The following SOX5 variants were observed in gnomAD, a reference collection of about 807,000 sequenced individuals.
SOX5 encodes the protein SRY-box transcription factor 5.
In SOX5, 9 loss-of-function variants were observed where a neutral mutation model predicts 92.0. The ratio of observed to expected loss-of-function variants is 0.10; its 90% confidence interval spans 0.06 to 0.17. The LOEUF (loss-of-function observed/expected upper bound fraction) is 0.17. Among genes scored for constraint, SOX5 ranks in the 10% least tolerant of loss-of-function variants. SOX5 has a pLI of 1.00. For missense variants in SOX5, 642 were observed against 944.5 expected, an observed-to-expected ratio of 0.68 and a Z score of 4.20; for synonymous variants, 344 against 336.3, an observed-to-expected ratio of 1.02 and a Z score of -0.25.
At chr12:24,415,407 A>G (rs1406154165) in intron 1 of SOX5, among the ~76,000 whole-genome samples, 1 of 152,230 alleles carries the variant, frequency 6.6e-6, no homozygotes, top group African/African-American at 2.4e-5. Flanking sequence ...GAATAAAAGC[A>G]CATAATATTT....
intron 3 of SOX5, among the ~76,000 whole-genome samples, chr12:23,793,112 C>T (rs1326377710): frequency 6.6e-6 from 1 of 152,144 alleles, no homozygotes; most frequent in East Asian, 1.9e-4. Flanking sequence ...TCTGAAATTA[C>T]AGTAATCTTC....
At chr12:24,009,155 G>C (rs938331965) in intron 4 of SOX5, among the ~76,000 whole-genome samples, 1 of 152,172 alleles carries the variant, frequency 6.6e-6, no homozygotes. Flanking sequence ...GCCTTCAGAT[G>C]ATTTCAGCCC....
At chr12:23,841,906 G>A (rs764285504) in intron 3 of SOX5, among the ~76,000 whole-genome samples, 16 of 152,010 alleles carry the variant, frequency 1.1e-4, no homozygotes, top group Non-Finnish European at 2.4e-4. Flanking sequence ...ATTATACATT[G>A]TACATTTCTA....
chr12:24,360,002 A>G (rs1211024833), intron 2 of SOX5, among the ~76,000 whole-genome samples: 1 of 152,258 alleles, frequency 6.6e-6, no homozygotes, highest in East Asian at 1.9e-4. Flanking sequence ...AAAAGGAAGA[A>G]AAGAAAAAGG....
chr12:23,700,389 C>A (rs965770324), intron 6 of SOX5, among the ~76,000 whole-genome samples: 1 of 152,114 alleles, frequency 6.6e-6, no homozygotes, highest in Non-Finnish European at 1.5e-5. Context: ...CCATCTTAAA[C>A]TTCTCATTTT....
At chr12:23,714,771 A>G (rs949753483) in intron 6 of SOX5, among the ~76,000 whole-genome samples, 1 of 152,242 alleles carries the variant, frequency 6.6e-6, no homozygotes, top group Admixed American at 6.5e-5. Flanking sequence ...CTATAGATGA[A>G]AACAAATACT....
intron 4 of SOX5, among the ~76,000 whole-genome samples, chr12:24,141,474 G>A (rs1279420402): frequency 6.6e-6 from 1 of 152,184 alleles, no homozygotes; most frequent in Non-Finnish European, 1.5e-5. Context: ...ATTACTTGTA[G>A]TATGAAGAAA....
At position 23,723,204 on chromosome 12, in the gene SOX5, C is replaced by G. The variant is rs1296618741; in HGVS notation, c.810+11480G>C. Reference sequence around the variant, plus strand: ...GTTTATGTTTTCTTGCTCTCTCTCTCTCTTTCTCCCTCTCTCTCTCTCTCA... The same window carrying G: ...GTTTATGTTTTCTTGCTCTCTCTCTGTCTTTCTCCCTCTCTCTCTCTCTCA... On this transcript the variant is annotated intron_variant, in intron 6 of 14. Transcript: ENST00000451604. Among the ~76,000 whole-genome samples, 9 of 152,162 alleles carry G rather than the reference C, an allele frequency of 5.9e-5. No individual in the cohort carries two copies. In the South Asian group the frequency reaches 1.2e-3, roughly 21 times the overall value.
chr12:24,309,428 T>C (rs953599063), intron 2 of SOX5, among the ~76,000 whole-genome samples: 1 of 152,220 alleles, frequency 6.6e-6, no homozygotes, highest in African/African-American at 2.4e-5. Context: ...ATTGTTATTC[T>C]CCATTTCCCT....
At chr12:23,965,988 A>C (rs1196038766) in intron 4 of SOX5, among the ~76,000 whole-genome samples, 1 of 152,014 alleles carries the variant, frequency 6.6e-6, no homozygotes, top group Admixed American at 6.6e-5. Flanking sequence ...AATGATCTTC[A>C]ACCATAAAAG....
chr12:23,622,315 G>GA (rs58857226), intron 8 of SOX5, among the ~76,000 whole-genome samples: 65,968 of 148,978 alleles, frequency 0.44, 14,909 homozygotes, highest in East Asian at 0.59. Flanking sequence ...AATAAAAAGA[G>GA]AAAAAAAAAA....
intron 11 of SOX5, among the ~76,000 whole-genome samples, chr12:23,554,389 A>G (rs1011361580): frequency 6.6e-6 from 1 of 152,078 alleles, no homozygotes; most frequent in Non-Finnish European, 1.5e-5. Flanking sequence ...AGGGCTACAC[A>G]TGACCAATGC....
chr12:23,842,030 G>A (rs2096524934), intron 3 of SOX5, among the ~76,000 whole-genome samples: 1 of 152,084 alleles, frequency 6.6e-6, no homozygotes, highest in South Asian at 2.1e-4. Flanking sequence ...TACAGAACTA[G>A]TTTAACTGTG....
At chr12:23,988,244 T>C (rs1008421444) in intron 4 of SOX5, among the ~76,000 whole-genome samples, 1 of 152,158 alleles carries the variant, frequency 6.6e-6, no homozygotes, top group Non-Finnish European at 1.5e-5. Context: ...ATACTTAAGA[T>C]GCATATCAGA....
At chr12:24,099,444 A>G (rs141258503) in intron 4 of SOX5, among the ~76,000 whole-genome samples, 104 of 152,298 alleles carry the variant, frequency 6.8e-4, no homozygotes, top group African/African-American at 2.5e-3. Flanking sequence ...GATCAGTTAG[A>G]TCTGTCCTGA....
At chr12:23,629,915 T>C (rs892837248) in intron 8 of SOX5, among the ~76,000 whole-genome samples, 1 of 151,954 alleles carries the variant, frequency 6.6e-6, no homozygotes, top group African/African-American at 2.4e-5. Flanking sequence ...ATAATTCACT[T>C]TCATATTCAA....
intron 3 of SOX5, among the ~76,000 whole-genome samples, chr12:24,235,511 A>G (rs1474245572): frequency 1.3e-5 from 2 of 152,198 alleles, no homozygotes; most frequent in Non-Finnish European, 2.9e-5. Flanking sequence ...TTTGTACTCT[A>G]CTAATATGAC....
chr12:24,071,979 C>A (rs751491076), intron 4 of SOX5, among the ~76,000 whole-genome samples: 1 of 152,014 alleles, frequency 6.6e-6, no homozygotes, highest in Non-Finnish European at 1.5e-5. Context: ...ATGAGTAAAC[C>A]GAAGCACAAA....
At chr12:24,476,995 CAAAA>C (rs11385447) in intron 1 of SOX5, among the ~76,000 whole-genome samples, 7 of 53,658 alleles carry the variant, frequency 1.3e-4, no homozygotes, top group African/African-American at 5.2e-4. Flanking sequence ...AGACCCCTCT[CAAAA>C]AAAAAAAAAA....
Sources: gnomAD v4.1 joint callset for allele counts (sites outside exome capture counted in the v4.1 genomes callset) on GRCh38, gnomAD v4.1.1 for gene constraint, MANE v1.5 for transcripts, NCBI Gene and HGNC (gene_info 2026-07-23, HGNC 2026-07-21) for gene names.